Variants in WDR4 observed in about 807,000 individuals in gnomAD.
The protein encoded by WDR4 is WDR4 tRNA N7-guanosine methyltransferase non-catalytic subunit.
Under a neutral mutation model 48.6 loss-of-function variants are expected in WDR4, and 47 were observed. The ratio of observed to expected loss-of-function variants is 0.97; its 90% CI spans 0.77 to 1.23. The LOEUF (loss-of-function observed/expected upper bound fraction) is 1.23. WDR4 is among the 50% of genes most tolerant of loss of function. The pLI is 0.00. For synonymous variants in WDR4, 268 were observed against 230.0 expected, an observed-to-expected ratio of 1.17 and a Z score of -1.49; for missense variants, 606 against 551.6, an observed-to-expected ratio of 1.10 and a Z score of -0.99.
At position 42,844,124 on chromosome 21, in the gene WDR4, A is replaced by G. The variant is rs182809851; in HGVS notation, c.*9-843T>C. 1.1e-3 allele frequency among the ~76,000 whole-genome samples: 163 copies of G among 152,354 alleles called. 1 individual carries two copies. The highest frequency in any genetic ancestry group is 3.2e-3 in the African/African-American group (132 of 41,584). ...TGAAGACGTGGAAACAGAATCTACC[A>G]AAAATGAAACGCAAACTGAAGAAGA... On this transcript the variant is annotated intron_variant, in intron 11 of 11. Transcript: ENST00000330317.
Position 42,854,554 on chromosome 21 carries a change from C to T in WDR4, c.791+8G>A. ...ACCGGAGGCCATAGAGGTGCCGCCG[C>T]AGCTTACCCGTCGCACAGGAGCGCC... is the stretch of plus-strand genomic sequence containing the variant. On this transcript the variant is annotated splice_region_variant and intron_variant, in intron 8 of 10. Transcript: ENST00000398208. 1 of 1,612,630 alleles carries T rather than the reference C, an allele frequency of 6.2e-7. No individual in the cohort carries two copies. The highest frequency in any genetic ancestry group is 2.2e-5 in the East Asian group (1 of 44,868).
In WDR4 at chr21:42,876,744, T is replaced by C. The variant is rs1353500983; in HGVS notation, c.113A>G (p.Tyr38Cys). Residue 38 changes from tyrosine (Y) to cysteine (C), a missense_variant, in exon 2 of 11, where the codon TAT becomes TGT. Physicochemically the swap from Tyr to Cys is radical, Grantham distance 194. Coordinates refer to ENST00000398208, the MANE Select transcript of WDR4 (RefSeq NM_018669.6). The stretch of plus-strand genomic sequence containing the variant: ...CTTCTTTTCTGCAGCACTGCAGTCA[T>C]AGATGAAGAGGCTGTCATCATCACT... ...ASSDDDSLFI[Y>C]DCSAAEKKSQ... 17 of 1,613,570 alleles carry C rather than the reference T, an allele frequency of 1.1e-5. No homozygotes were observed. The highest frequency in any genetic ancestry group is 4.0e-5 in the African/African-American group (3 of 74,892).
intron 3 of WDR4, among the ~76,000 whole-genome samples, chr21:42,863,859 C>T (rs570133273): frequency 6.7e-6 from 1 of 149,398 alleles, no homozygotes; most frequent in Non-Finnish European, 1.5e-5. Context: ...GTAATCCCAG[C>T]ACTTTGGGAG....
chr21:42,856,158 C>A (rs908678861), intron 6 of WDR4, among the ~76,000 whole-genome samples: 17 of 152,196 alleles, frequency 1.1e-4, no homozygotes, highest in African/African-American at 4.1e-4. Flanking sequence ...CAGGTCTGCG[C>A]AGACACTTCA....
intron 3 of WDR4, among the ~76,000 whole-genome samples, chr21:42,869,081 T>C (rs2146079086): frequency 6.6e-6 from 1 of 152,314 alleles, no homozygotes; most frequent in African/African-American, 2.4e-5. Context: ...GTAATCCATC[T>C]GCAGAGAGGA....
Position 42,876,737 on chromosome 21 carries a change from G to A in WDR4, c.120C>T (p.Cys40=), listed in dbSNP as rs1601185945. 1 of 1,613,454 alleles carries A rather than the reference G, an allele frequency of 6.2e-7. No homozygotes were observed. Among genetic ancestry groups the A allele is most frequent in the African/African-American group, 1.3e-5 (1 of 74,968 alleles). Residue 40 remains cysteine (C), a synonymous_variant, in exon 2 of 11, where the codon TGC becomes TGT. Coordinates refer to ENST00000398208, the MANE Select transcript of WDR4 (RefSeq NM_018669.6). ...SDDDSLFIYD[C]SAAEKKSQEN... is the part of the protein sequence containing the mutation. ...CTTGTGACTTCTTTTCTGCAGCACT[G>A]CAGTCATAGATGAAGAGGCTGTCAT... is the stretch of plus-strand genomic sequence containing the variant.
upstream of WDR4, among the ~76,000 whole-genome samples, chr21:42,883,350 A>G (rs2058620842): frequency 6.7e-6 from 1 of 149,204 alleles, no homozygotes; most frequent in South Asian, 2.1e-4. Context: ...GCAAGACGAC[A>G]TAAGCATTGT....
At chr21:42,859,573 C>CCACAGGGGCCAGCGATA in intron 6 of WDR4, 89 bp downstream of exon 6, 1 of 1,379,072 alleles carries the variant, frequency 7.3e-7, no homozygotes, top group Non-Finnish European at 1.0e-6. Flanking sequence ...GGCCAGCGAT[C>CCACAGGGGCCAGCGATA]CACAGGGGCC....
the WDR4 span, among the ~76,000 whole-genome samples, chr21:42,885,803 G>T: frequency 6.6e-6 from 1 of 151,746 alleles, no homozygotes; most frequent in Non-Finnish European, 1.5e-5. Flanking sequence ...CAAGTGGATT[G>T]TCCCATCTTG....
In WDR4 at chr21:42,855,757, C is replaced by T. The variant is rs1349941289; in HGVS notation, c.651G>A (p.Glu217=). ...AGTGCAGCTGGCGGCCGCTCCTGTA[C>T]TCCCAGAGCCTCAGGGTGCCGTCCT... ...SSGDGTLRLW[E]YRSGRQLHCC... is the part of the protein sequence containing the mutation. Residue 217 remains glutamate, a synonymous_variant, in exon 7 of 11, where the codon GAG becomes GAA. Transcript: ENST00000398208. 3 of 1,552,434 alleles carry T rather than the reference C, an allele frequency of 1.9e-6. No homozygotes were observed. The Admixed American group carries it at 5.8e-5, about 30-fold the overall frequency.
chr21:42,876,627 A>C, intron 2 of WDR4, 75 bp downstream of exon 2: 1 of 1,404,728 alleles, frequency 7.1e-7, no homozygotes. Flanking sequence ...GTAGGACAAC[A>C]ATTGCTTCTT....
chr21:42,875,516 C>T (rs372784002), intron 2 of WDR4, among the ~76,000 whole-genome samples: 15 of 152,114 alleles, frequency 9.9e-5, no homozygotes, highest in African/African-American at 3.4e-4. Flanking sequence ...GATAGCGCCA[C>T]TGCACTCCAG....
intron 5 of WDR4, among the ~76,000 whole-genome samples, chr21:42,860,313 T>C (rs1280646370): frequency 1.3e-5 from 2 of 151,934 alleles, no homozygotes; most frequent in Non-Finnish European, 2.9e-5. Flanking sequence ...CTGTGAGGGG[T>C]TGGCCTGCAA....
rs2058582239 is a variant in WDR4 at position 42,879,475 on chromosome 21, C to T, written c.21G>A (p.Leu7=). The change falls in exon 1 of 11, where the codon CTG becomes CTA. Residue 7 remains leucine (L), a synonymous_variant. Transcript: ENST00000398208. Reference sequence around the variant, plus strand: ...CCACCAACGTCTGCCCGCACAACGCCAGTCCCACAGAGCCCGCCATGTACC... The same window carrying T: ...CCACCAACGTCTGCCCGCACAACGCTAGTCCCACAGAGCCCGCCATGTACC... MAGSVG[L]ALCGQTLVVR... is the part of the protein sequence containing the mutation. The T allele has an allele frequency of 1.9e-6, 3 of 1,613,578 alleles. No individual in the cohort carries two copies. The Admixed American group carries it at 5.0e-5, about 27-fold the overall frequency.
rs1430646539 is a variant in WDR4, at chr21:42,849,855, G to A, written c.*194C>T. The A allele has an allele frequency of 1.6e-6, 1 of 624,058 alleles. No individual in the cohort carries two copies. The highest frequency in any genetic ancestry group is 1.9e-5 in the African/African-American group (1 of 52,414). 38.7% of individuals were successfully genotyped at this position (624,058 alleles called of 1,614,324 possible). On this transcript the variant is annotated 3_prime_UTR_variant, in exon 11 of 11. Transcript: ENST00000398208. ...CTGGCTTCCCTTCAACCAGAAAGGG[G>A]GCACAGGCACCCAGCAAGAGCCTGT...
chr21:42,889,100 A>T, the WDR4 span, among the ~76,000 whole-genome samples: 25 of 146,656 alleles, frequency 1.7e-4, no homozygotes, highest in Middle Eastern at 3.8e-3. Flanking sequence ...CTCCTGCCTC[A>T]GCCTCCCGAG....
chr21:42,887,233 C>A, the WDR4 span, among the ~76,000 whole-genome samples: 1 of 151,984 alleles, frequency 6.6e-6, no homozygotes. Flanking sequence ...CTCAGGTGAT[C>A]CGCCCACCTT....
chr21:42,873,778 T>G, intron 2 of WDR4, 87 bp from the exon 3 acceptor site: 1 of 1,499,874 alleles, frequency 6.7e-7, no homozygotes, highest in Non-Finnish European at 9.0e-7. Context: ...ATTTCTAACA[T>G]GGGAGGAGGT....
downstream of WDR4, among the ~76,000 whole-genome samples, chr21:42,848,482 C>A (rs1284128792): frequency 4.7e-5 from 2 of 42,800 alleles, no homozygotes; most frequent in East Asian, 8.3e-4. Flanking sequence ...GCGCACACCT[C>A]ACTCACACAG....
Sources: allele counts gnomAD v4.1 joint callset (sites outside exome capture counted in the v4.1 genomes callset), GRCh38; gene constraint gnomAD v4.1.1; transcripts MANE v1.5; gene names NCBI Gene and HGNC (gene_info 2026-07-23, HGNC 2026-07-21).